SLC39A10: variants seen among roughly 807,000 people sequenced by gnomAD.
The protein encoded by SLC39A10 is solute carrier family 39 member 10, also known as zinc transporter ZIP10.
Under a neutral mutation model 65.1 loss-of-function variants are expected in SLC39A10, and 13 were observed. That is an observed-to-expected ratio of 0.20 (90% confidence interval 0.13 to 0.32). The LOEUF (loss-of-function observed/expected upper bound fraction) is 0.32, where lower values mean the gene tolerates loss of function less well. SLC39A10 is among the 10% of genes least tolerant of loss of function. The pLI, the probability that SLC39A10 is intolerant of heterozygous loss-of-function variation, is 1.00. For synonymous variants in SLC39A10, 321 were observed against 342.2 expected (o/e 0.94, Z 0.68); for missense variants, 831 against 1,018.4 (o/e 0.82, Z 2.50).
intron 8 of SLC39A10, among the ~76,000 whole-genome samples, chr2:195,724,587 T>A (rs955450509): frequency 6.6e-6 from 1 of 152,128 alleles, no homozygotes; most frequent in Non-Finnish European, 1.5e-5. Context: ...GATCTACTTA[T>A]AATAGCATCA....
At chr2:195,675,245 T>G (rs978794760) in intron 1 of SLC39A10, among the ~76,000 whole-genome samples, 7 of 152,214 alleles carry the variant, frequency 4.6e-5, no homozygotes, top group Non-Finnish European at 8.8e-5. Flanking sequence ...CAGTTTTGAA[T>G]ATGATTATGC....
At chr2:195,721,764 G>A (rs988850074) in intron 8 of SLC39A10, among the ~76,000 whole-genome samples, 1 of 151,812 alleles carries the variant, frequency 6.6e-6, no homozygotes, top group African/African-American at 2.4e-5. Flanking sequence ...GGATAATCAC[G>A]CATACACCTC....
At chr2:195,672,070 C>G (rs1448344570) in intron 1 of SLC39A10, among the ~76,000 whole-genome samples, 1 of 151,986 alleles carries the variant, frequency 6.6e-6, no homozygotes, top group Non-Finnish European at 1.5e-5. Context: ...TGAGAGGGGT[C>G]TCTTTGCAAT....
chr2:195,733,633 C>G (rs1692494152), intron 9 of SLC39A10, among the ~76,000 whole-genome samples: 1 of 152,076 alleles, frequency 6.6e-6, no homozygotes, highest in Admixed American at 6.6e-5. Context: ...TGGGTTCAAG[C>G]AGTTCTCCTG....
At chr2:195,693,392 A>G (rs1190978679) in intron 3 of SLC39A10, among the ~76,000 whole-genome samples, 2 of 152,208 alleles carry the variant, frequency 1.3e-5, no homozygotes, top group African/African-American at 2.4e-5. Context: ...TAGTGTCCGT[A>G]GGATTGGCAC....
chr2:195,698,777 C>T (rs1206574860), intron 3 of SLC39A10, among the ~76,000 whole-genome samples: 1 of 151,320 alleles, frequency 6.6e-6, no homozygotes, highest in Non-Finnish European at 1.5e-5. Flanking sequence ...GTTGTCATTT[C>T]TTGTAGTGTC....
At chr2:195,683,575 A>T in intron 2 of SLC39A10, 124 bp from the exon 3 acceptor site, 3 of 682,264 alleles carry the variant, frequency 4.4e-6, no homozygotes, top group Non-Finnish European at 7.1e-6. Flanking sequence ...TTTGTAATAG[A>T]TATCTATGTA....
chr2:195,722,463 T>C (rs1250048367), intron 8 of SLC39A10, among the ~76,000 whole-genome samples: 1 of 152,208 alleles, frequency 6.6e-6, no homozygotes, highest in African/African-American at 2.4e-5. Context: ...AATATGATTG[T>C]GGAGCCTAGT....
intron 3 of SLC39A10, among the ~76,000 whole-genome samples, chr2:195,693,505 T>C (rs900257816): frequency 2.0e-5 from 3 of 152,122 alleles, no homozygotes; most frequent in Non-Finnish European, 4.4e-5. Flanking sequence ...GGTGTGTTTC[T>C]ATATTTTCCT....
At chr2:195,641,142 A>C (rs770628193) in intron 2 of SLC39A10, among the ~76,000 whole-genome samples, 4 of 152,236 alleles carry the variant, frequency 2.6e-5, no homozygotes, top group Non-Finnish European at 5.9e-5. Flanking sequence ...AGCACAGTGC[A>C]AACCTTGTGC....
In SLC39A10 at chr2:195,716,942, A is replaced by G. The variant is rs1198904066; in HGVS notation, c.2002A>G (p.Asn668Asp). 6.2e-7 allele frequency: 1 copy of G among 1,614,200 alleles called. No homozygotes were observed. The highest frequency in any genetic ancestry group is 8.5e-7 in the Non-Finnish European group (1 of 1,180,024). The change falls in exon 7 of 10, where the codon AAT becomes GAT. Residue 668 changes from asparagine to aspartate, a missense_variant. By Grantham distance (23) the Asn-to-Asp change is conservative (BLOSUM62 1). This residue lies in a region of SLC39A10 where 230 missense variants were observed against 242.9 expected (regional missense o/e 0.95). Coordinates refer to ENST00000359634, the MANE Select transcript of SLC39A10 (RefSeq NM_020342.3). Reference sequence around the variant, plus strand: ...CGATCTGAAAGAAACAGGAATAGCTAATATAGCCTGGATGGTGATCATGGG... The same window carrying G: ...CGATCTGAAAGAAACAGGAATAGCTGATATAGCCTGGATGGTGATCATGGG... ...GSDLKETGIA[N>D]IAWMVIMGDG...
Position 195,645,952 on chromosome 2 carries a change from T to C in SLC39A10, c.-11-34080T>C, listed in dbSNP as rs1461952438. ...ATTTGATTCTATCTTTTTTTCTTTGTTTGTTTTTGAGATGGGGTCTCACTC... is the reference window on the plus strand; with the variant it reads ...ATTTGATTCTATCTTTTTTTCTTTGCTTGTTTTTGAGATGGGGTCTCACTC... On this transcript the variant is annotated intron_variant, in intron 2 of 2. Coordinates refer to the SLC39A10 transcript ENST00000458054. 2.0e-5 allele frequency among the ~76,000 whole-genome samples: 3 copies of C among 152,130 alleles called. No individual in the cohort carries two copies. In the East Asian group the frequency reaches 5.8e-4, roughly 29 times the overall value.
At chr2:195,708,552 G>A (rs1032315465) in intron 4 of SLC39A10, 104 bp from the exon 5 acceptor site, 8 of 873,324 alleles carry the variant, frequency 9.2e-6, no homozygotes, top group Non-Finnish European at 1.2e-5. Context: ...AACTTGAAAG[G>A]TATTTTTTCT....
In SLC39A10 at chr2:195,737,204, A is replaced by G. The variant is rs1462797306; in HGVS notation, c.*2163A>G. On this transcript the variant is annotated 3_prime_UTR_variant, in exon 10 of 10. Coordinates refer to ENST00000359634, the MANE Select transcript of SLC39A10 (RefSeq NM_020342.3). ...AGGGTTCCACATCATTCTAATGTATAGTTTCAAGTCTTAATAGACAATCTG... is the reference window on the plus strand; with the variant it reads ...AGGGTTCCACATCATTCTAATGTATGGTTTCAAGTCTTAATAGACAATCTG... 1.3e-5 allele frequency: 2 copies of G among 152,652 alleles called. No individual in the cohort carries two copies. The highest frequency in any genetic ancestry group is 4.8e-5 in the African/African-American group (2 of 41,460). The allele number at this position is 152,652 out of a possible 1,614,324, so 9.5% of individuals were successfully genotyped here. A position where few individuals can be genotyped will look rare whatever the true frequency, so the allele number is the denominator to read the frequency against.
At chr2:195,622,666 C>G (rs541549126) in intron 2 of SLC39A10, among the ~76,000 whole-genome samples, 1 of 152,236 alleles carries the variant, frequency 6.6e-6, no homozygotes, top group African/African-American at 2.4e-5. Flanking sequence ...GTGATAGTGA[C>G]TTGTGAATTA....
At chr2:195,678,718 G>T (rs141864819) in intron 1 of SLC39A10, among the ~76,000 whole-genome samples, 2 of 151,836 alleles carry the variant, frequency 1.3e-5, no homozygotes, top group African/African-American at 4.8e-5. Flanking sequence ...GTAGCCACAC[G>T]TCTGTTGAGC....
rs1692645761 is a variant in SLC39A10, at chr2:195,737,068, G to T, written c.*2027G>T. On this transcript the variant is annotated 3_prime_UTR_variant, in exon 10 of 10. Coordinates refer to ENST00000359634, the MANE Select transcript of SLC39A10 (RefSeq NM_020342.3). ...GATTGATTTAAAGCAAGTAGGTTAT[G>T]CTGAAGTATATAAAGAAGTTTTATA... 2.0e-5 allele frequency: 3 copies of T among 152,684 alleles called. 1 individual carries two copies. The South Asian group carries it at 6.2e-4, about 32-fold the overall frequency. 9.5% of individuals were successfully genotyped at this position (152,684 alleles called of 1,614,324 possible).
intron 2 of SLC39A10, among the ~76,000 whole-genome samples, chr2:195,614,080 T>C (rs1015300157): frequency 1.3e-5 from 2 of 152,198 alleles, no homozygotes. Flanking sequence ...CATCCACACT[T>C]TTATCTTGTG....
At chr2:195,638,670 A>G (rs1193746562) in intron 2 of SLC39A10, among the ~76,000 whole-genome samples, 1 of 152,100 alleles carries the variant, frequency 6.6e-6, no homozygotes, top group Non-Finnish European at 1.5e-5. Flanking sequence ...TTACAGAAAC[A>G]TTGCAAAGAT....
Sources: gnomAD v4.1 joint callset for allele counts (sites outside exome capture counted in the v4.1 genomes callset) on GRCh38, gnomAD v4.1.1 for gene constraint, gnomAD v4.1.1 regional missense constraint, MANE v1.5 for transcripts, NCBI Gene and HGNC (gene_info 2026-07-23, HGNC 2026-07-21) for gene names.